ZNF517: variants seen among roughly 807,000 people sequenced by gnomAD.
ZNF517 encodes zinc finger protein 517.
Under a neutral mutation model 12.1 loss-of-function variants are expected in ZNF517, and 12 were observed. That is an observed-to-expected ratio of 0.99 (90% confidence interval 0.63 to 1.61). The LOEUF (loss-of-function observed/expected upper bound fraction) is 1.61. Ranked by LOEUF, ZNF517 falls within the 40% of genes most tolerant of loss-of-function variation. The probability of loss-of-function intolerance (pLI) is 0.00; values close to 1 mark genes in which losing one functional copy is unlikely to be tolerated. For missense variants in ZNF517, 781 were observed against 693.2 expected, an observed-to-expected ratio of 1.13 and a Z score of -1.42; for synonymous variants, 388 against 310.2, an observed-to-expected ratio of 1.25 and a Z score of -2.63.
intron 4 of ZNF517, among the ~76,000 whole-genome samples, chr8:144,806,639 C>T (rs2976661): frequency 0.079 from 11,907 of 151,638 alleles, 1,046 homozygotes; most frequent in African/African-American, 0.21. Flanking sequence ...CGCTCGCCAC[C>T]GCACACAGAT....
rs192155148 is a variant in ZNF517, at chr8:144,803,595, C to A, written c.34-46C>A. 5.1e-3 allele frequency: 8,222 copies of A among 1,609,608 alleles called. 47 individuals are homozygous for A. Among genetic ancestry groups the A allele is most frequent in the Non-Finnish European group, 5.9e-3 (6,912 of 1,177,080 alleles). On this transcript the variant is annotated intron_variant, in intron 2 of 4. Transcript: ENST00000359971. ...GCAAATGTTTCTCATCTGCTGGGTTCTCACCGAGCCCTTGACTGCCTGGAT... is the reference window on the plus strand; with the variant it reads ...GCAAATGTTTCTCATCTGCTGGGTTATCACCGAGCCCTTGACTGCCTGGAT...
chr8:144,811,707 G>C (rs2958510), downstream of ZNF517, among the ~76,000 whole-genome samples: 403 of 102,658 alleles, frequency 3.9e-3, 1 homozygote, highest in African/African-American at 8.4e-3. Context: ...AGACTGCAGC[G>C]TGGAAGCAAA....
downstream of ZNF517, among the ~76,000 whole-genome samples, chr8:144,812,311 A>C (rs1482094192): frequency 3.6e-3 from 387 of 108,750 alleles, no homozygotes; most frequent in African/African-American, 0.012. Flanking sequence ...CGGACAGTAA[A>C]GCTCAGCCAG....
At chr8:144,811,382 G>A (rs1827550051), downstream of ZNF517, among the ~76,000 whole-genome samples, 1 of 152,182 alleles carries the variant, frequency 6.6e-6, no homozygotes, top group East Asian at 1.9e-4. Flanking sequence ...GAGACAGGGT[G>A]GGAGAGACAC....
At position 144,807,361 on chromosome 8, in the gene ZNF517, A is replaced by AC. The variant is rs1827283075; in HGVS notation, c.448dup (p.His150ProfsTer80). ...TCCTGAGGACGGGTCAGATAAACCC[A>AC]CCCACCCCCGGGCTCGGGAGCACAG... On this transcript the variant is annotated frameshift_variant, in exon 5 of 5. Transcript: ENST00000359971. LOFTEE classifies it low-confidence loss of function (END_TRUNC). 1.3e-6 allele frequency: 2 copies of AC among 1,554,882 alleles called. No individual in the cohort carries two copies. The highest frequency in any genetic ancestry group is 4.9e-5 in the East Asian group (2 of 41,130).
In ZNF517 at chr8:144,808,683, A is replaced by C; in HGVS notation, c.*288A>C. 3.0e-6 allele frequency: 1 copy of C among 330,550 alleles called. No individual in the cohort carries two copies. The highest frequency in any genetic ancestry group is 5.4e-6 in the Non-Finnish European group (1 of 185,608). 20.5% of individuals were successfully genotyped at this position (330,550 alleles called of 1,614,324 possible). A position where few individuals can be genotyped will look rare whatever the true frequency, so the allele number is the denominator to read the frequency against. Reference sequence around the variant, plus strand: ...GAGAGAGGGAGGGGCAGCTATGCTCAGTCCCCAAAGAGCAGGGCACAGGGG... The same window carrying C: ...GAGAGAGGGAGGGGCAGCTATGCTCCGTCCCCAAAGAGCAGGGCACAGGGG... On this transcript the variant is annotated 3_prime_UTR_variant, in exon 5 of 5. Coordinates refer to ENST00000359971, the MANE Select transcript of ZNF517 (RefSeq NM_213605.3).
chr8:144,805,975 A>G (rs1337515002), intron 4 of ZNF517, among the ~76,000 whole-genome samples: 2 of 152,146 alleles, frequency 1.3e-5, no homozygotes, highest in Non-Finnish European at 2.9e-5. Flanking sequence ...CTGATGACTA[A>G]TACTATTCAT....
At chr8:144,812,442 G>C (rs892353311), downstream of ZNF517, among the ~76,000 whole-genome samples, 194 of 136,100 alleles carry the variant, frequency 1.4e-3, no homozygotes, top group African/African-American at 5.0e-3. Context: ...GGAGAGACAC[G>C]GACAGTAAAG....
At chr8:144,804,279 A>G (rs1022607828) in intron 4 of ZNF517, 41 bp downstream of exon 4, 9 of 1,539,892 alleles carry the variant, frequency 5.8e-6, no homozygotes, top group Non-Finnish European at 2.7e-6. Flanking sequence ...TGTGCTGCCA[A>G]TGTGGCCTGG....
intron 2 of ZNF517, 79 bp from the exon 3 acceptor site, chr8:144,803,562 C>T (rs1827071657): frequency 2.5e-6 from 4 of 1,575,386 alleles, no homozygotes; most frequent in Non-Finnish European, 3.5e-6. Context: ...AGGCCTCTAG[C>T]AGATCATGCA....
In ZNF517 at chr8:144,808,122, C is replaced by T; in HGVS notation, c.1206C>T (p.Gly402=). Residue 402 remains glycine (G), a synonymous_variant, in exon 5 of 5, where the codon GGC becomes GGT. Coordinates refer to ENST00000359971, the MANE Select transcript of ZNF517 (RefSeq NM_213605.3). The part of the protein sequence containing the change: ...GEKPFECAEC[G]KAFGRKSNLT... Reference sequence around the variant, plus strand: ...AGCCGTTCGAGTGCGCGGAGTGCGGCAAGGCCTTCGGTCGCAAGTCCAACC... The same window carrying T: ...AGCCGTTCGAGTGCGCGGAGTGCGGTAAGGCCTTCGGTCGCAAGTCCAACC... 1.9e-6 allele frequency: 3 copies of T among 1,612,040 alleles called. No individual in the cohort carries two copies. Among genetic ancestry groups the T allele is most frequent in the Non-Finnish European group, 2.5e-6 (3 of 1,179,506 alleles).
chr8:144,799,443 T>G (rs1367840037), intron 1 of ZNF517, among the ~76,000 whole-genome samples: 7 of 152,154 alleles, frequency 4.6e-5, no homozygotes, highest in Non-Finnish European at 1.0e-4. Flanking sequence ...GTTCCGGTGC[T>G]GGGGACCCCG....
chr8:144,802,728 T>G (rs1006341212), intron 1 of ZNF517, 142 bp from the exon 2 acceptor site: 4 of 1,368,180 alleles, frequency 2.9e-6, no homozygotes, highest in Middle Eastern at 3.9e-4. Flanking sequence ...ATACACCTCC[T>G]TGGGACGTGA....
At chr8:144,806,110 C>T (rs1170530079) in intron 4 of ZNF517, among the ~76,000 whole-genome samples, 1 of 152,228 alleles carries the variant, frequency 6.6e-6, no homozygotes, top group Non-Finnish European at 1.5e-5. Flanking sequence ...TGCTTGCCCA[C>T]AGGTTGCTTT....
At chr8:144,811,743 G>T (rs112569524), downstream of ZNF517, among the ~76,000 whole-genome samples, 1 of 131,840 alleles carries the variant, frequency 7.6e-6, no homozygotes, top group African/African-American at 3.1e-5. Flanking sequence ...GGAGAGACAC[G>T]GACAGTACGC....
chr8:144,813,294 T>A (rs2954671), downstream of ZNF517, among the ~76,000 whole-genome samples: 1 of 140,396 alleles, frequency 7.1e-6, no homozygotes, highest in African/African-American at 2.6e-5. Flanking sequence ...CCAGCCTGGA[T>A]GACAGAGCCG....
At chr8:144,799,895 G>A (rs1826872454) in intron 1 of ZNF517, among the ~76,000 whole-genome samples, 1 of 152,236 alleles carries the variant, frequency 6.6e-6, no homozygotes, top group Admixed American at 6.5e-5. Context: ...AGCCGAGATC[G>A]CGCCACTGGT....
rs1827412392 is a variant in ZNF517, at chr8:144,808,501, A to G, written c.*106A>G. ...CTGTCCTGAAGGTGAAGCAAAGTCT[A>G]AAGAAAGGGCCAGCTCCCATCAGGA... is the stretch of plus-strand genomic sequence containing the variant. On this transcript the variant is annotated 3_prime_UTR_variant, in exon 5 of 5. Transcript: ENST00000359971. 1 of 1,366,386 alleles carries G rather than the reference A, an allele frequency of 7.3e-7. No individual in the cohort carries two copies. The highest frequency in any genetic ancestry group is 1.5e-5 in the African/African-American group (1 of 65,748). 84.6% of individuals were successfully genotyped at this position (1,366,386 alleles called of 1,614,324 possible).
Position 144,808,128 on chromosome 8 carries a change from C to CT in ZNF517, c.1214dup (p.Gly406ArgfsTer118), listed in dbSNP as rs761784916. 4.3e-5 allele frequency: 70 copies of CT among 1,612,064 alleles called. 2 individuals are homozygous for CT. Among genetic ancestry groups the CT allele is most frequent in the South Asian group, 4.2e-4 (38 of 90,982 alleles). On this transcript the variant is annotated frameshift_variant, in exon 5 of 5. Coordinates refer to ENST00000359971, the MANE Select transcript of ZNF517 (RefSeq NM_213605.3). LOFTEE classifies it low-confidence loss of function (END_TRUNC). The stretch of plus-strand genomic sequence containing the variant: ...TCGAGTGCGCGGAGTGCGGCAAGGC[C>CT]TTCGGTCGCAAGTCCAACCTCACTC...
Sources: allele counts gnomAD v4.1 joint callset (sites outside exome capture counted in the v4.1 genomes callset), GRCh38; gene constraint gnomAD v4.1.1; transcripts MANE v1.5; gene names NCBI Gene and HGNC (gene_info 2026-07-23, HGNC 2026-07-21).